The following NAE1 variants were observed in gnomAD, a reference collection of about 807,000 sequenced individuals.
The protein encoded by NAE1 is NEDD8-activating enzyme E1 regulatory subunit.
Under a neutral mutation model 88.0 loss-of-function variants are expected in NAE1, and 59 were observed. That is an observed-to-expected ratio of 0.67 (90% CI 0.54 to 0.83). The LOEUF (loss-of-function observed/expected upper bound fraction) is 0.83. Ranked by LOEUF, NAE1 falls within the 40% of genes least tolerant of loss-of-function variation. The probability of loss-of-function intolerance (pLI) is 0.00; values close to 1 mark genes in which losing one functional copy is unlikely to be tolerated. For synonymous variants in NAE1, 186 were observed against 208.9 expected (o/e 0.89, Z 0.95); for missense variants, 554 against 632.8 (o/e 0.88, Z 1.34).
intron 11 of NAE1, among the ~76,000 whole-genome samples, chr16:66,815,074 T>C (rs946224921): frequency 5.9e-5 from 9 of 152,160 alleles, no homozygotes; most frequent in East Asian, 1.9e-4. Flanking sequence ...CTATGTACAA[T>C]TGTCTCTCAA....
At chr16:66,824,794 C>T in intron 4 of NAE1, 61 bp downstream of exon 4, 1 of 1,426,632 alleles carries the variant, frequency 7.0e-7, no homozygotes, top group Non-Finnish European at 9.6e-7. Context: ...GCTTTTCAAG[C>T]AATCAAAACA....
rs1388318913 is a variant in NAE1 at position 66,816,948 on chromosome 16, A to C, written c.748+17T>G. The C allele has an allele frequency of 1.3e-6, 2 of 1,585,818 alleles. No homozygotes were observed. Among genetic ancestry groups the C allele is most frequent in the Non-Finnish European group, 8.5e-7 (1 of 1,173,086 alleles). ...CTTTTCAAGCTTTATACAGTATTTA[A>C]TCATATCCCATATTACCTTGTCTAA... On this transcript the variant is annotated intron_variant, in intron 10 of 19. Coordinates refer to ENST00000290810, the MANE Select transcript of NAE1 (RefSeq NM_003905.4).
At chr16:66,816,479 T>A (rs1484504049) in intron 11 of NAE1, 102 bp downstream of exon 11, 2 of 905,864 alleles carry the variant, frequency 2.2e-6, no homozygotes, top group Middle Eastern at 3.3e-4. Context: ...TAACTATACA[T>A]TTAGAAAATA....
Position 66,816,901 on chromosome 16 carries a change from A to G in NAE1, c.748+64T>C, listed in dbSNP as rs1960064787. On this transcript the variant is annotated intron_variant, in intron 10 of 19. Coordinates refer to ENST00000290810, the MANE Select transcript of NAE1 (RefSeq NM_003905.4). The stretch of plus-strand genomic sequence containing the variant: ...CAAAGGTGTTAACAGAAATCCAATA[A>G]GTACCTGCCTCTAGCAATTTGCTTT... 3 of 1,546,860 alleles carry G rather than the reference A, an allele frequency of 1.9e-6. No individual in the cohort carries two copies. In the South Asian group the frequency reaches 3.8e-5, roughly 20 times the overall value.
At chr16:66,808,805 T>C (rs1597038337) in intron 16 of NAE1, 184 bp downstream of exon 16, 1 of 607,292 alleles carries the variant, frequency 1.6e-6, no homozygotes, top group South Asian at 2.5e-5. Context: ...TATGACTTTA[T>C]GCATACATTA....
chr16:66,812,596 C>T (rs932641853), intron 13 of NAE1, among the ~76,000 whole-genome samples: 5 of 147,936 alleles, frequency 3.4e-5, no homozygotes, highest in Non-Finnish European at 7.4e-5. Flanking sequence ...TGGCTCACTG[C>T]AACCTCCGTC....
chr16:66,810,515 A>C, intron 14 of NAE1, 102 bp from the exon 15 acceptor site: 1 of 1,156,236 alleles, frequency 8.6e-7, no homozygotes, highest in South Asian at 1.3e-5. Context: ...GCTTTCTCCA[A>C]GAGCTGGGAG....
At chr16:66,817,236 ATTTCAT>A in intron 9 of NAE1, 183 bp downstream of exon 9, 1 of 896,546 alleles carries the variant, frequency 1.1e-6, no homozygotes, top group Non-Finnish European at 1.7e-6. Flanking sequence ...CATTTATTGA[ATTTCAT>A]TTTAATTAAA....
chr16:66,817,537 A>C, intron 8 of NAE1, 50 bp from the exon 9 acceptor site: 2 of 1,258,428 alleles, frequency 1.6e-6, no homozygotes, highest in Non-Finnish European at 2.2e-6. Context: ...TGAATTCTTC[A>C]CTGTACCATC....
At chr16:66,820,011 A>T (rs1318199778) in intron 7 of NAE1, among the ~76,000 whole-genome samples, 1 of 152,196 alleles carries the variant, frequency 6.6e-6, no homozygotes, top group Non-Finnish European at 1.5e-5. Flanking sequence ...CATTTAAAAT[A>T]AAATGTTTAC....
At chr16:66,828,136 A>ACCACCG in intron 1 of NAE1, 1 of 1,254,610 alleles carries the variant, frequency 8.0e-7, no homozygotes. Flanking sequence ...TGGCACGTAG[A>ACCACCG]AGACACCTGA....
intron 1 of NAE1, among the ~76,000 whole-genome samples, chr16:66,830,263 CAAAAAT>C (rs372607475): frequency 7.8e-4 from 118 of 151,992 alleles, no homozygotes; most frequent in African/African-American, 2.0e-3. Context: ...TCTACAAAAA[CAAAAAT>C]AAAAATAAAA....
chr16:66,813,746 CA>C, intron 12 of NAE1, 40 bp downstream of exon 12: 1 of 1,611,710 alleles, frequency 6.2e-7, no homozygotes, highest in East Asian at 2.2e-5. Context: ...TACTTTGACC[CA>C]AAGTTTTAGC....
chr16:66,813,374 C>A, intron 13 of NAE1, 190 bp downstream of exon 13: 1 of 618,684 alleles, frequency 1.6e-6, no homozygotes, highest in Non-Finnish European at 2.7e-6. Context: ...CTCCTGGACT[C>A]AAGCAATTCT....
At chr16:66,822,424 A>C (rs1364784031) in intron 6 of NAE1, among the ~76,000 whole-genome samples, 1 of 151,960 alleles carries the variant, frequency 6.6e-6, no homozygotes, top group Non-Finnish European at 1.5e-5. Flanking sequence ...TACAAAAATT[A>C]GCCGGGCACG....
At chr16:66,826,925 A>T (rs1343596651) in intron 1 of NAE1, 145 bp from the exon 2 acceptor site, 4 of 714,068 alleles carry the variant, frequency 5.6e-6, no homozygotes, top group Non-Finnish European at 9.1e-6. Context: ...ATATTAGTAT[A>T]GTGATTATAC....
At chr16:66,805,398 T>C (rs922736720) in intron 19 of NAE1, among the ~76,000 whole-genome samples, 4 of 152,014 alleles carry the variant, frequency 2.6e-5, no homozygotes, top group Non-Finnish European at 2.9e-5. Context: ...GTGGGAGAGA[T>C]GGAAGGCAGG....
intron 4 of NAE1, among the ~76,000 whole-genome samples, chr16:66,823,832 A>G (rs1960359943): frequency 6.6e-6 from 1 of 152,220 alleles, no homozygotes; most frequent in Non-Finnish European, 1.5e-5. Context: ...CCTAGGCTTA[A>G]GCAATCTTCC....
intron 4 of NAE1, 28 bp downstream of exon 4, chr16:66,824,827 C>A (rs1189844505): frequency 8.2e-6 from 13 of 1,590,936 alleles, no homozygotes; most frequent in African/African-American, 2.7e-5. Context: ...TAGATGCTCA[C>A]ATCCAACTAT....
Sources: gnomAD v4.1 joint callset for allele counts (sites outside exome capture counted in the v4.1 genomes callset) on GRCh38, gnomAD v4.1.1 for gene constraint, MANE v1.5 for transcripts, NCBI Gene and HGNC (gene_info 2026-07-23, HGNC 2026-07-21) for gene names.